Variants in NQO2 observed in about 807,000 individuals in gnomAD.
NQO2 encodes the protein ribosyldihydronicotinamide dehydrogenase [quinone].
NQO2 carries 18 observed loss-of-function variants against 22.0 expected under a neutral mutation model. The observed-to-expected ratio is 0.82, with a 90% CI of 0.56 to 1.21. NQO2 has a LOEUF of 1.21. NQO2 is among the 50% of genes most tolerant of loss of function. The pLI, the probability that NQO2 is intolerant of heterozygous loss-of-function variation, is 0.00. For missense variants in NQO2, 267 were observed against 286.9 expected, an observed-to-expected ratio of 0.93 and a Z score of 0.50; for synonymous variants, 106 against 110.8, an observed-to-expected ratio of 0.96 and a Z score of 0.28.
At chr6:3,012,133 T>C (rs1757154127) in intron 3 of NQO2, among the ~76,000 whole-genome samples, 1 of 152,060 alleles carries the variant, frequency 6.6e-6, no homozygotes, top group Non-Finnish European at 1.5e-5. Context: ...ATAAGCAATA[T>C]AAAATATGTA....
In NQO2 at chr6:3,012,946, C is replaced by CTTTTTTTTT. The variant is rs751626888; in HGVS notation, c.303+291_303+299dup. Reference sequence around the variant, plus strand: ...AACACTGTACGTAGATGTAACACTACTTTTTTTTTTTTTTTTTTTTTTTTT... The same window carrying CTTTTTTTTT: ...AACACTGTACGTAGATGTAACACTACTTTTTTTTTTTTTTTTTTTTTTTTTTTTTTTTTT... On this transcript the variant is annotated intron_variant, in intron 4 of 6. Coordinates refer to ENST00000380455, the MANE Select transcript of NQO2 (RefSeq NM_000904.6). Among the ~76,000 whole-genome samples, 381 of 60,716 alleles carry CTTTTTTTTT rather than the reference C, an allele frequency of 6.3e-3. 105 individuals are homozygous for CTTTTTTTTT. Among genetic ancestry groups the CTTTTTTTTT allele is most frequent in the African/African-American group, 0.019 (259 of 13,532 alleles). The allele number at this position is 60,716 out of a possible 152,430, so 39.8% of individuals were successfully genotyped here.
chr6:3,018,978 T>C (rs1757436337), intron 6 of NQO2, among the ~76,000 whole-genome samples: 1 of 151,748 alleles, frequency 6.6e-6, no homozygotes, highest in Non-Finnish European at 1.5e-5. Flanking sequence ...TTAGGGCCTA[T>C]ATATTTTCTC....
intron 4 of NQO2, among the ~76,000 whole-genome samples, chr6:3,012,945 A>ATTTTTTTTTTTT (rs1561715126): frequency 6.5e-5 from 4 of 61,788 alleles, no homozygotes; most frequent in Non-Finnish European, 1.3e-4. Context: ...ATGTAACACT[A>ATTTTTTTTTTTT]CTTTTTTTTT....
intron 3 of NQO2, among the ~76,000 whole-genome samples, chr6:3,010,917 T>A (rs4149364): frequency 4.7e-5 from 7 of 150,522 alleles, no homozygotes; most frequent in South Asian, 4.2e-4. Flanking sequence ...TAAACCACCA[T>A]CTAGTGCCAA....
chr6:3,010,059 A>G lies in NQO2; in HGVS notation c.42A>G (p.Glu14=). The G allele has an allele frequency of 5.6e-6, 9 of 1,613,986 alleles. No individual in the cohort carries two copies. Among genetic ancestry groups the G allele is most frequent in the Non-Finnish European group, 7.6e-6 (9 of 1,179,980 alleles). ...KKVLIVYAHQ[E]PKSFNGSLKN... is the part of the protein sequence containing the mutation. ...TACTCATTGTCTATGCACACCAGGA[A>G]CCCAAGTCTTTCAACGGATCCTTGA... Residue 14 remains glutamate, a synonymous_variant, in exon 3 of 7, where the codon GAA becomes GAG. Coordinates refer to ENST00000380455, the MANE Select transcript of NQO2 (RefSeq NM_000904.6).
At chr6:3,003,966 C>T (rs1756835287) in intron 1 of NQO2, among the ~76,000 whole-genome samples, 1 of 151,420 alleles carries the variant, frequency 6.6e-6, no homozygotes, top group East Asian at 1.9e-4. Context: ...AATCCAGGTT[C>T]CTTTGGTATT....
chr6:3,015,514 G>A lies in NQO2; in HGVS notation c.304-16G>A. The A allele has an allele frequency of 6.2e-7, 1 of 1,609,934 alleles. No homozygotes were observed. The highest frequency in any genetic ancestry group is 8.5e-7 in the Non-Finnish European group (1 of 1,178,676). On this transcript the variant is annotated splice_polypyrimidine_tract_variant and intron_variant, in intron 4 of 6. Transcript: ENST00000380455. ...GAGCCGCAGCCTCAGTTTCTCTTTG[G>A]TGTTGCCGCCCACAGTTCCCGCTGT...
intron 2 of NQO2, among the ~76,000 whole-genome samples, chr6:3,007,244 G>A (rs4149363): frequency 0.17 from 26,317 of 151,962 alleles, 2,628 homozygotes; most frequent in Non-Finnish European, 0.22. Context: ...CTCCCCCACC[G>A]GCTGTGACAA....
At chr6:3,008,731 G>A (rs1466625470) in intron 2 of NQO2, among the ~76,000 whole-genome samples, 2 of 152,152 alleles carry the variant, frequency 1.3e-5, no homozygotes, top group Non-Finnish European at 2.9e-5. Flanking sequence ...GAAATAAACG[G>A]ACAGAGTACA....
chr6:3,007,483 C>T (rs1756991923), intron 2 of NQO2, among the ~76,000 whole-genome samples: 1 of 152,222 alleles, frequency 6.6e-6, no homozygotes, highest in South Asian at 2.1e-4. Context: ...AAACCCATTG[C>T]TTCAAACTGA....
intron 1 of NQO2, among the ~76,000 whole-genome samples, chr6:3,005,984 G>T (rs1756937907): frequency 6.6e-6 from 1 of 152,160 alleles, no homozygotes; most frequent in South Asian, 2.1e-4. Flanking sequence ...GAGACTTCTG[G>T]TTAGAGCCTG....
chr6:3,015,264 C>T (rs1757283135), intron 4 of NQO2: 1 of 1,436,014 alleles, frequency 7.0e-7, no homozygotes, highest in Non-Finnish European at 9.2e-7. Flanking sequence ...TCGTCCCCTC[C>T]CTGCCTGCCC....
rs1436481568 is a variant in NQO2 at position 2,999,909 on chromosome 6, C to A, written c.-262C>A. On this transcript the variant is annotated 5_prime_UTR_variant, in exon 1 of 7. Transcript: ENST00000380455. ...GCGGCGCGGGGCAGGTTCCGGGCTG[C>A]TTAGGTTGGCACCGGTCCGTGGTCC... 1 of 152,340 alleles carries A rather than the reference C, an allele frequency of 6.6e-6. No individual in the cohort carries two copies. The highest frequency in any genetic ancestry group is 1.5e-5 in the Non-Finnish European group (1 of 68,154). 9.4% of individuals were successfully genotyped at this position (152,340 alleles called of 1,614,324 possible).
rs1378954309 is a variant in NQO2, at chr6:3,009,897, GA to G, written c.8-124del. On this transcript the variant is annotated intron_variant, in intron 2 of 6. Coordinates refer to ENST00000380455, the MANE Select transcript of NQO2 (RefSeq NM_000904.6). ...GAGAGAGAAAGAGACAGAAAGAAAA[GA>G]AAATTTGATATTTCTTAGCTTCAAT... is the stretch of plus-strand genomic sequence containing the variant. The G allele has an allele frequency of 2.1e-6, 3 of 1,426,576 alleles. No homozygotes were observed. The East Asian group carries it at 7.5e-5, about 36-fold the overall frequency. The allele number at this position is 1,426,576 out of a possible 1,614,324, so 88.4% of individuals were successfully genotyped here.
intron 4 of NQO2, among the ~76,000 whole-genome samples, chr6:3,014,244 CTTCCCGACACCAGCCCT>C (rs890076392): frequency 1.3e-5 from 2 of 152,178 alleles, no homozygotes; most frequent in African/African-American, 4.8e-5. Context: ...CTGCACACCC[CTTCCCGACACCAGCCCT>C]TTCTTTACTC....
chr6:3,003,768 G>T, intron 1 of NQO2: 4 of 947,052 alleles, frequency 4.2e-6, no homozygotes, highest in Non-Finnish European at 3.8e-6. Flanking sequence ...CCGGTGCTGT[G>T]ATGTACCTTA....
chr6:3,007,853 A>G (rs1216323322), intron 2 of NQO2, among the ~76,000 whole-genome samples: 1 of 152,240 alleles, frequency 6.6e-6, no homozygotes, highest in East Asian at 1.9e-4. Flanking sequence ...ATGGAAGCAG[A>G]ACTGTGCCAC....
At chr6:3,009,925 A>G (rs1359926579) in intron 2 of NQO2, 100 bp from the exon 3 acceptor site, 1 of 1,478,938 alleles carries the variant, frequency 6.8e-7, no homozygotes, top group African/African-American at 1.4e-5. Context: ...AGCTTCAATT[A>G]CTATGATGCA....
chr6:3,013,332 G>A (rs28383634), intron 4 of NQO2, among the ~76,000 whole-genome samples: 22,303 of 152,014 alleles, frequency 0.15, 2,529 homozygotes, highest in African/African-American at 0.32. Context: ...TCCAAATCCC[G>A]ACTGCCATGT....
Sources: gnomAD v4.1 joint callset for allele counts (sites outside exome capture counted in the v4.1 genomes callset) on GRCh38, gnomAD v4.1.1 for gene constraint, MANE v1.5 for transcripts, NCBI Gene and HGNC (gene_info 2026-07-23, HGNC 2026-07-21) for gene names.